Variants in SND1 observed in about 807,000 individuals in gnomAD.
SND1 encodes staphylococcal nuclease and tudor domain containing 1.
A neutral mutation model predicts 121.7 loss-of-function variants in SND1; 38 were observed. The observed-to-expected ratio is 0.31, with a 90% CI of 0.24 to 0.41. SND1 has a LOEUF of 0.41. Ranked by LOEUF, SND1 falls within the 10% of genes least tolerant of loss-of-function variation. The pLI is 1.00. For missense variants in SND1, 868 were observed against 1,184.6 expected, an observed-to-expected ratio of 0.73 and a Z score of 3.92; for synonymous variants, 401 against 447.4, an observed-to-expected ratio of 0.90 and a Z score of 1.31.
intron 9 of SND1, among the ~76,000 whole-genome samples, chr7:127,714,955 A>C (rs146727473): frequency 6.6e-6 from 1 of 152,366 alleles, no homozygotes; most frequent in East Asian, 1.9e-4. Context: ...TGCTGCTATC[A>C]ACATGGTTAT....
At chr7:127,704,718 A>G in intron 7 of SND1, 121 bp from the exon 8 acceptor site, 2 of 816,662 alleles carry the variant, frequency 2.4e-6, no homozygotes, top group South Asian at 1.6e-5. Flanking sequence ...CTGTAAACAA[A>G]CAAACAAACA....
chr7:127,932,634 G>T (rs2116824677), intron 15 of SND1, among the ~76,000 whole-genome samples: 1 of 152,290 alleles, frequency 6.6e-6, no homozygotes, highest in East Asian at 1.9e-4. Context: ...AATACTTTGT[G>T]AAAGGAAGAG....
intron 16 of SND1, chr7:128,030,463 C>G: frequency 1.2e-6 from 2 of 1,613,646 alleles, no homozygotes; most frequent in Non-Finnish European, 1.7e-6. Context: ...CGCGTGCACA[C>G]CACCTTGCTG....
intron 13 of SND1, among the ~76,000 whole-genome samples, chr7:127,891,296 A>G (rs1800005258): frequency 1.3e-5 from 2 of 152,200 alleles, no homozygotes; most frequent in African/African-American, 4.8e-5. Flanking sequence ...ATGCAGTGGC[A>G]CAATCATGAC....
At chr7:127,888,717 G>T (rs893722757) in intron 13 of SND1, among the ~76,000 whole-genome samples, 7 of 152,078 alleles carry the variant, frequency 4.6e-5, no homozygotes, top group Admixed American at 3.3e-4. Context: ...ACTTATTGCT[G>T]AACTGACTTG....
At chr7:127,681,528 G>T (rs777644548) in intron 1 of SND1, among the ~76,000 whole-genome samples, 1 of 152,094 alleles carries the variant, frequency 6.6e-6, no homozygotes, top group African/African-American at 2.4e-5. Flanking sequence ...AGTTGCTTGT[G>T]TTTTTGGTGT....
At chr7:127,853,946 T>G (rs1254582387) in intron 12 of SND1, among the ~76,000 whole-genome samples, 1 of 151,832 alleles carries the variant, frequency 6.6e-6, no homozygotes, top group Non-Finnish European at 1.5e-5. Context: ...TCACTGTGGT[T>G]TTTTGTATTT....
chr7:127,882,376 G>A lies in SND1; in HGVS notation c.1344-5526G>A, dbSNP rs563435787. The stretch of plus-strand genomic sequence containing the variant: ...AGGGGAAGGAAGGCAGGCAGGAAGG[G>A]AGGGAGGAAGGGAGGGAGGGAGGGA... On this transcript the variant is annotated intron_variant, in intron 12 of 23. Coordinates refer to ENST00000354725, the MANE Select transcript of SND1 (RefSeq NM_014390.4). Among the ~76,000 whole-genome samples, 13 of 143,176 alleles carry A rather than the reference G, an allele frequency of 9.1e-5. No homozygotes were observed. The South Asian group carries it at 2.6e-3, about 28-fold the overall frequency. The allele number at this position is 143,176 out of a possible 152,430, so 93.9% of individuals were successfully genotyped here. A position where few individuals can be genotyped will look rare whatever the true frequency, so the allele number is the denominator to read the frequency against.
At chr7:127,714,395 G>T (rs772357823) in intron 9 of SND1, among the ~76,000 whole-genome samples, 3 of 152,170 alleles carry the variant, frequency 2.0e-5, no homozygotes, top group Non-Finnish European at 2.9e-5. Context: ...TATTTACCCT[G>T]ATAGTTTTTT....
intron 16 of SND1, among the ~76,000 whole-genome samples, chr7:128,001,218 A>G (rs926715264): frequency 6.6e-6 from 1 of 152,226 alleles, no homozygotes; most frequent in Non-Finnish European, 1.5e-5. Flanking sequence ...GAACAGAGAT[A>G]CCCTAACCTG....
intron 1 of SND1, among the ~76,000 whole-genome samples, chr7:127,674,794 G>T (rs1003085483): frequency 1.3e-5 from 2 of 152,302 alleles, no homozygotes; most frequent in East Asian, 1.9e-4. Flanking sequence ...CTTGAGCTGG[G>T]TTTATTTTTT....
intron 16 of SND1, among the ~76,000 whole-genome samples, chr7:128,042,741 A>C (rs565766295): frequency 7.9e-5 from 12 of 152,138 alleles, no homozygotes; most frequent in Non-Finnish European, 1.8e-4. Flanking sequence ...TGCAAGGTAA[A>C]ATTCTTTACC....
At chr7:128,054,065 G>A (rs1757094855) in intron 16 of SND1, among the ~76,000 whole-genome samples, 1 of 152,258 alleles carries the variant, frequency 6.6e-6, no homozygotes, top group Non-Finnish European at 1.5e-5. Flanking sequence ...TAAGGCCACT[G>A]TCAGTAAGTC....
intron 10 of SND1, among the ~76,000 whole-genome samples, chr7:127,756,484 T>G (rs1243900548): frequency 6.6e-6 from 1 of 152,222 alleles, no homozygotes; most frequent in African/African-American, 2.4e-5. Flanking sequence ...GGGGTATGTT[T>G]TCCTTTTTAT....
At chr7:128,066,533 G>A (rs1793317583) in intron 16 of SND1, among the ~76,000 whole-genome samples, 1 of 152,190 alleles carries the variant, frequency 6.6e-6, no homozygotes, top group Non-Finnish European at 1.5e-5. Context: ...CCTCTAGCCA[G>A]CCCACTCCCC....
At chr7:127,986,389 T>C (rs1202471209) in intron 15 of SND1, among the ~76,000 whole-genome samples, 2 of 152,214 alleles carry the variant, frequency 1.3e-5, no homozygotes, top group Non-Finnish European at 2.9e-5. Flanking sequence ...CAAAAGGGTA[T>C]AACCAAAATG....
In SND1 at chr7:128,092,224, G is replaced by A. The variant is rs1269198810; in HGVS notation, c.*166G>A. 1.0e-5 allele frequency: 7 copies of A among 684,968 alleles called. No individual in the cohort carries two copies. In the East Asian group the frequency reaches 1.6e-4, roughly 16 times the overall value. 42.4% of individuals were successfully genotyped at this position (684,968 alleles called of 1,614,324 possible). On this transcript the variant is annotated 3_prime_UTR_variant, in exon 24 of 24. Transcript: ENST00000354725. The surrounding 1 kb of genome is among the most constrained non-coding windows in gnomAD (Gnocchi z 4.9). Reference sequence around the variant, plus strand: ...GGTGGCATCGGGGCTGCGGGGTGGGGACCCCAAGGCTTTCTGGGGCAGACC... The same window carrying A: ...GGTGGCATCGGGGCTGCGGGGTGGGAACCCCAAGGCTTTCTGGGGCAGACC...
At chr7:128,060,082 G>A (rs1408234633) in intron 16 of SND1, among the ~76,000 whole-genome samples, 2 of 152,190 alleles carry the variant, frequency 1.3e-5, no homozygotes, top group East Asian at 1.9e-4. Flanking sequence ...TAGTGGGTGT[G>A]GGTTGCCCCT....
intron 14 of SND1, among the ~76,000 whole-genome samples, chr7:127,923,886 ACT>A (rs1491454943): frequency 2.0e-5 from 3 of 150,262 alleles, no homozygotes; most frequent in East Asian, 2.0e-4. Context: ...TGATCTCCAC[ACT>A]CTTTTTTTTC....
Sources: allele counts gnomAD v4.1 joint callset (sites outside exome capture counted in the v4.1 genomes callset), GRCh38; gene constraint gnomAD v4.1.1; non-coding constraint Gnocchi (gnomAD v3.1); transcripts MANE v1.5; gene names NCBI Gene and HGNC (gene_info 2026-07-23, HGNC 2026-07-21).